Variants in ZBED6 observed in about 807,000 individuals in gnomAD.
ZBED6 encodes the protein zinc finger BED domain-containing protein 6.
A neutral mutation model predicts 58.4 loss-of-function variants in ZBED6; 40 were observed. The ratio of observed to expected loss-of-function variants is 0.68; its 90% CI spans 0.53 to 0.89. ZBED6 has a LOEUF of 0.89. ZBED6 is among the 40% of genes least tolerant of loss of function. The probability of loss-of-function intolerance (pLI) is 0.00; values close to 1 mark genes in which losing one functional copy is unlikely to be tolerated. For synonymous variants in ZBED6, 439 were observed against 350.6 expected (o/e 1.25, Z -2.82); for missense variants, 1,057 against 1,003.9 (o/e 1.05, Z -0.71).
chr1:203,822,032 C>T (rs139374199), intron 3 of ZBED6, among the ~76,000 whole-genome samples: 3,750 of 152,198 alleles, frequency 0.025, 65 homozygotes, highest in Non-Finnish European at 0.039. Flanking sequence ...CCTGGGATTA[C>T]AGGTGTGAGC....
At chr1:203,805,568 G>C (rs1284882400) in intron 1 of ZBED6, 11 of 607,464 alleles carry the variant, frequency 1.8e-5, no homozygotes, top group Non-Finnish European at 3.6e-5. Context: ...GGAAAGATCA[G>C]TATTTCATAG....
chr1:203,837,950 T>G lies in ZBED6; in HGVS notation c.*3574-16T>G. 6.2e-7 allele frequency: 1 copy of G among 1,602,424 alleles called. No homozygotes were observed. ...GATTGACTTGAAATCTTAAACTAAG[T>G]TCTCCCTCTTTATAGGCGGTGACAG... On this transcript the variant is annotated splice_polypyrimidine_tract_variant and intron_variant, in intron 9 of 16. Transcript: ENST00000550078.
chr1:203,825,296 T>A (rs1680150301), intron 3 of ZBED6, among the ~76,000 whole-genome samples: 1 of 152,128 alleles, frequency 6.6e-6, no homozygotes, highest in Non-Finnish European at 1.5e-5. Flanking sequence ...ACTAATTCAG[T>A]GTTCCAAGTG....
chr1:203,820,284 C>T (rs1048999529), intron 3 of ZBED6, among the ~76,000 whole-genome samples: 5 of 151,480 alleles, frequency 3.3e-5, no homozygotes, highest in African/African-American at 9.7e-5. Flanking sequence ...ATAGTTGTCA[C>T]GACTAGTTTT....
At chr1:203,850,013 A>G in exon 14 of ZBED6, 3 of 1,614,016 alleles carry the variant, frequency 1.9e-6, no homozygotes, top group Non-Finnish European at 2.5e-6. Flanking sequence ...AGACCTTGGA[A>G]AAAAGGGGTA....
At chr1:203,830,968 C>CAA in intron 7 of ZBED6, among the ~76,000 whole-genome samples, 1 of 36,760 alleles carries the variant, frequency 2.7e-5, no homozygotes, top group African/African-American at 1.1e-4. Context: ...TTTTTTGAGA[C>CAA]AGAGTTTTGC....
intron 8 of ZBED6, among the ~76,000 whole-genome samples, chr1:203,833,428 G>A (rs1394574698): frequency 1.3e-5 from 2 of 151,372 alleles, no homozygotes; most frequent in African/African-American, 2.4e-5. Flanking sequence ...CTACTTGGGA[G>A]GCTGAGACAG....
At chr1:203,800,022 A>G in exon 1 of ZBED6, 2 of 1,536,078 alleles carry the variant, frequency 1.3e-6, no homozygotes, top group African/African-American at 1.4e-5. Flanking sequence ...CTCATCTCTA[A>G]AAGAAGGCAC....
At chr1:203,797,755 A>G in exon 1 of ZBED6, 1 of 1,535,698 alleles carries the variant, frequency 6.5e-7, no homozygotes, top group East Asian at 2.4e-5. Flanking sequence ...CGTCGAAAAA[A>G]ATTGATTCTT....
chr1:203,796,186 T>A lies in ZBED6; in HGVS notation c.-1337T>A. 2.7e-6 allele frequency: 1 copy of A among 374,214 alleles called. No individual in the cohort carries two copies. The highest frequency in any genetic ancestry group is 4.7e-6 in the Non-Finnish European group (1 of 211,268). 23.2% of individuals were successfully genotyped at this position (374,214 alleles called of 1,614,324 possible). ...TCCCGAAGAGAGAACTGACACTAGA[T>A]TGCTTTCTTCGGGGCAACAGTTTCT... On this transcript the variant is annotated 5_prime_UTR_variant, in exon 1 of 17. In the 5' UTR this introduces an upstream ATG that the reference lacks. Transcript: ENST00000550078.
intron 1 of ZBED6, among the ~76,000 whole-genome samples, chr1:203,810,370 T>A (rs1673962264): frequency 6.6e-6 from 1 of 152,120 alleles, no homozygotes; most frequent in East Asian, 1.9e-4. Context: ...GAAACTTTTC[T>A]TTTTTTCTTT....
intron 3 of ZBED6, among the ~76,000 whole-genome samples, chr1:203,827,969 CATAAT>C (rs1681105099): frequency 6.6e-6 from 1 of 152,180 alleles, no homozygotes. Flanking sequence ...CAATAAGTAA[CATAAT>C]AGAGATTCAG....
exon 1 of ZBED6, chr1:203,797,537 T>C (rs1668956892): frequency 6.6e-7 from 1 of 1,521,076 alleles, no homozygotes; most frequent in Non-Finnish European, 8.8e-7. Flanking sequence ...GTGTATGTAC[T>C]CTAAGTGTAC....
chr1:203,832,276 G>A (rs1257905536), intron 8 of ZBED6, among the ~76,000 whole-genome samples: 1 of 152,014 alleles, frequency 6.6e-6, no homozygotes, highest in Non-Finnish European at 1.5e-5. Context: ...GGTCTGGCTG[G>A]TCTCAAACTC....
chr1:203,843,535 G>T (rs746577457), intron 11 of ZBED6, among the ~76,000 whole-genome samples: 2 of 151,910 alleles, frequency 1.3e-5, no homozygotes, highest in African/African-American at 4.8e-5. Flanking sequence ...TCCTGTAAAG[G>T]GTCGGATATA....
chr1:203,798,428 G>T lies in ZBED6; in HGVS notation c.906G>T (p.Gly302=), dbSNP rs1306797342. 4.6e-6 allele frequency: 7 copies of T among 1,534,682 alleles called. No individual in the cohort carries two copies. The East Asian group carries it at 1.7e-4, about 38-fold the overall frequency. ...GGGGTAGGCCAGGGTCCCACTTAGG[G>T]ACTTCAACACTTCAACGACACCTGC... Residue 302 remains glycine (G), a synonymous_variant, in exon 1 of 17, where the codon GGG becomes GGT. Coordinates refer to ENST00000550078, the Ensembl canonical transcript of ZBED6.
At chr1:203,827,057 A>G (rs1037682776) in intron 3 of ZBED6, among the ~76,000 whole-genome samples, 1 of 152,196 alleles carries the variant, frequency 6.6e-6, no homozygotes, top group Non-Finnish European at 1.5e-5. Flanking sequence ...ATGGAATGGT[A>G]TAGTATGCAC....
chr1:203,805,819 CT>C, intron 1 of ZBED6: 1 of 874,126 alleles, frequency 1.1e-6, no homozygotes, highest in Non-Finnish European at 1.9e-6. Flanking sequence ...GCCGCCATAA[CT>C]GCGACTCAGT....
chr1:203,851,205 A>G, intron 16 of ZBED6, 81 bp downstream of exon 16: 1 of 1,218,132 alleles, frequency 8.2e-7, no homozygotes, highest in South Asian at 1.4e-5. Context: ...ACTGATAAAT[A>G]ACTTTAGCAA....
Sources: allele counts gnomAD v4.1 joint callset (sites outside exome capture counted in the v4.1 genomes callset), GRCh38; gene constraint gnomAD v4.1.1; transcripts MANE v1.5; gene names NCBI Gene and HGNC (gene_info 2026-07-23, HGNC 2026-07-21).